ITPR2: variants seen among roughly 807,000 people sequenced by gnomAD.
ITPR2 encodes inositol 1,4,5-trisphosphate-gated calcium channel ITPR2.
In ITPR2, 207 loss-of-function variants were observed where a neutral mutation model predicts 317.1. The observed-to-expected ratio is 0.65, with a 90% confidence interval of 0.58 to 0.73. The LOEUF (loss-of-function observed/expected upper bound fraction) is 0.73, where lower values mean the gene tolerates loss of function less well. ITPR2 is among the 30% of genes least tolerant of loss of function. The pLI, the probability that ITPR2 is intolerant of heterozygous loss-of-function variation, is 0.00. For missense variants in ITPR2, 2,613 were observed against 3,284.0 expected (o/e 0.80, Z 4.99); for synonymous variants, 1,156 against 1,149.1 (o/e 1.01, Z -0.12).
At chr12:26,663,942 A>G (rs934327692) in intron 14 of ITPR2, 96 bp from the exon 15 acceptor site, 11 of 1,155,432 alleles carry the variant, frequency 9.5e-6, no homozygotes, top group Non-Finnish European at 1.2e-5. Flanking sequence ...AAAAACACTT[A>G]TATAAATTTG....
chr12:26,564,534 C>G (rs11048579), intron 34 of ITPR2, among the ~76,000 whole-genome samples: 108,905 of 152,038 alleles, frequency 0.72, 40,457 homozygotes, highest in Non-Finnish European at 0.83. Context: ...TTTGGAAATA[C>G]GGTCTTTGCA....
intron 9 of ITPR2, among the ~76,000 whole-genome samples, chr12:26,698,390 C>T (rs192605031): frequency 1.3e-5 from 2 of 152,212 alleles, no homozygotes; most frequent in Admixed American, 6.5e-5. Context: ...ATGAACATGA[C>T]GAGCTTCTCA....
chr12:26,658,757 C>G (rs1947430121), intron 16 of ITPR2, among the ~76,000 whole-genome samples: 1 of 152,176 alleles, frequency 6.6e-6, no homozygotes, highest in African/African-American at 2.4e-5. Flanking sequence ...CACTCGGCTT[C>G]TATTTTCTCA....
At chr12:26,427,846 A>T (rs1314739411) in intron 49 of ITPR2, 67 bp downstream of exon 49, 6 of 1,043,846 alleles carry the variant, frequency 5.7e-6, no homozygotes, top group African/African-American at 1.7e-5. Context: ...GCTTATAGTT[A>T]TATTTTTATA....
chr12:26,383,022 C>A (rs1398571431), intron 55 of ITPR2, among the ~76,000 whole-genome samples: 1 of 152,094 alleles, frequency 6.6e-6, no homozygotes, highest in Non-Finnish European at 1.5e-5. Flanking sequence ...TAGTGGGAGG[C>A]TTTTGGGTCA....
intron 2 of ITPR2, among the ~76,000 whole-genome samples, chr12:26,737,662 T>C (rs751103743): frequency 4.6e-5 from 7 of 152,176 alleles, no homozygotes; most frequent in Non-Finnish European, 8.8e-5. Context: ...GCTTCAGCTG[T>C]ATTTATCAAA....
At chr12:26,830,517 G>A (rs1951084036) in intron 1 of ITPR2, among the ~76,000 whole-genome samples, 1 of 152,180 alleles carries the variant, frequency 6.6e-6, no homozygotes, top group Admixed American at 6.5e-5. Context: ...CCAGGTTTTG[G>A]CATTAATGCC....
At chr12:26,363,763 T>C (rs1237896340) in intron 55 of ITPR2, among the ~76,000 whole-genome samples, 7 of 150,036 alleles carry the variant, frequency 4.7e-5, no homozygotes, top group Non-Finnish European at 1.0e-4. Context: ...TCCCAGAACT[T>C]AAAAGAAAAA....
At chr12:26,756,041 T>C (rs1465974621) in intron 2 of ITPR2, among the ~76,000 whole-genome samples, 1 of 152,154 alleles carries the variant, frequency 6.6e-6, no homozygotes, top group Admixed American at 6.5e-5. Context: ...TCAAAGCCAA[T>C]TTGAAAGAGC....
chr12:26,783,496 G>C (rs1375978152), intron 2 of ITPR2, among the ~76,000 whole-genome samples: 1 of 152,156 alleles, frequency 6.6e-6, no homozygotes, highest in Non-Finnish European at 1.5e-5. Context: ...GTTGATTTAA[G>C]TGGACTTCTC....
At chr12:26,754,477 C>T (rs942697460) in intron 2 of ITPR2, among the ~76,000 whole-genome samples, 2 of 152,130 alleles carry the variant, frequency 1.3e-5, no homozygotes, top group African/African-American at 4.8e-5. Context: ...GTAAAAGTTG[C>T]TAAGAGTTAA....
chr12:26,654,579 AG>A (rs2136899409), intron 20 of ITPR2, among the ~76,000 whole-genome samples: 1 of 152,288 alleles, frequency 6.6e-6, no homozygotes, highest in East Asian at 1.9e-4. Context: ...ATGTGGCCCC[AG>A]TGCACAGTCT....
rs761690937 is a variant in ITPR2, at chr12:26,654,153, G to T, written c.2590-27C>A. Reference sequence around the variant, plus strand: ...TTAATAAAAAAAAAAAAGCGGGGAGGGGGAGGGTGAAAGAGTGGAAAAAAA... The same window carrying T: ...TTAATAAAAAAAAAAAAGCGGGGAGTGGGAGGGTGAAAGAGTGGAAAAAAA... On this transcript the variant is annotated intron_variant, in intron 20 of 56. Coordinates refer to ENST00000381340, the MANE Select transcript of ITPR2 (RefSeq NM_002223.4). The T allele has an allele frequency of 7.2e-6, 11 of 1,521,890 alleles. 1 individual carries two copies. The highest frequency in any genetic ancestry group is 2.0e-4 in the Middle Eastern group (1 of 5,088). The allele number at this position is 1,521,890 out of a possible 1,614,324, so 94.3% of individuals were successfully genotyped here.
At chr12:26,755,964 A>C (rs1949514116) in intron 2 of ITPR2, among the ~76,000 whole-genome samples, 1 of 152,234 alleles carries the variant, frequency 6.6e-6, no homozygotes, top group South Asian at 2.1e-4. Flanking sequence ...TAGAGAGTAC[A>C]AACCCACAGC....
At chr12:26,719,372 A>G (rs924480179) in intron 5 of ITPR2, among the ~76,000 whole-genome samples, 6 of 152,214 alleles carry the variant, frequency 3.9e-5, no homozygotes, top group African/African-American at 2.4e-5. Flanking sequence ...AAGCCATCAC[A>G]TTCACTCTAG....
At chr12:26,610,602 A>G (rs1271232621) in intron 26 of ITPR2, among the ~76,000 whole-genome samples, 1 of 152,228 alleles carries the variant, frequency 6.6e-6, no homozygotes, top group Non-Finnish European at 1.5e-5. Context: ...TCTGCAAACT[A>G]TAATTCAAAC....
chr12:26,439,312 C>T lies in ITPR2; in HGVS notation c.6458G>A (p.Arg2153Gln). Residue 2153 changes from arginine to glutamine, a missense_variant, in exon 47 of 57, where the codon CGG (arginine) becomes CAG (glutamine). By Grantham distance (43) the Arg-to-Gln change is conservative. Around this residue, in one of 9 missense-constraint regions of ITPR2, gnomAD observed 926 missense variants for 1,072.8 expected, o/e 0.86. Coordinates refer to ENST00000381340, the MANE Select transcript of ITPR2 (RefSeq NM_002223.4). The stretch of plus-strand genomic sequence containing the variant: ...TATTTGTTCCATGGTCCTATCATGC[C>T]GGACAATCTGAAAACATTAATTTGC... ...ANHTAQIEIV[R>Q]HDRTMEQIVF... The T allele has an allele frequency of 1.3e-6, 2 of 1,593,076 alleles. No individual in the cohort carries two copies. The highest frequency in any genetic ancestry group is 1.3e-5 in the African/African-American group (1 of 74,096).
At chr12:26,652,762 T>C (rs960882013) in intron 21 of ITPR2, among the ~76,000 whole-genome samples, 1 of 152,226 alleles carries the variant, frequency 6.6e-6, no homozygotes, top group Non-Finnish European at 1.5e-5. Context: ...CCCTACAGGA[T>C]GAGCTGAGGT....
intron 26 of ITPR2, among the ~76,000 whole-genome samples, chr12:26,610,232 G>A (rs750609983): frequency 1.3e-5 from 2 of 152,188 alleles, no homozygotes; most frequent in Admixed American, 6.5e-5. Flanking sequence ...TCAGCTAATC[G>A]ATCACAAGTT....
Sources: gnomAD v4.1 joint callset for allele counts (sites outside exome capture counted in the v4.1 genomes callset) on GRCh38, gnomAD v4.1.1 for gene constraint, gnomAD v4.1.1 regional missense constraint, MANE v1.5 for transcripts, NCBI Gene and HGNC (gene_info 2026-07-23, HGNC 2026-07-21) for gene names.